Variants in LRP1B observed in about 807,000 individuals in gnomAD.
LRP1B encodes the protein LDL receptor related protein 1B, also known as low-density lipoprotein receptor-related protein 1B.
In LRP1B, 217 loss-of-function variants were observed where a neutral mutation model predicts 556.6. That is an observed-to-expected ratio of 0.39 (90% CI 0.35 to 0.44). LRP1B has a LOEUF of 0.44. Ranked by LOEUF, LRP1B falls within the 20% of genes least tolerant of loss-of-function variation. LRP1B has a pLI of 1.00. For synonymous variants in LRP1B, 2,047 were observed against 1,865.8 expected (o/e 1.10, Z -2.50); for missense variants, 5,053 against 5,620.8 (o/e 0.90, Z 3.23).
At chr2:141,535,534 T>C (rs1685042916) in intron 2 of LRP1B, among the ~76,000 whole-genome samples, 1 of 141,602 alleles carries the variant, frequency 7.1e-6, no homozygotes, top group Admixed American at 6.9e-5. Flanking sequence ...ATTGAAGCAA[T>C]GGTATAAAAA....
chr2:141,497,594 TA>T (rs1683553801), intron 2 of LRP1B, among the ~76,000 whole-genome samples: 1 of 151,840 alleles, frequency 6.6e-6, no homozygotes, highest in South Asian at 2.1e-4. Context: ...GATAGAAAAA[TA>T]AGCAAATAAG....
At chr2:141,718,346 A>G (rs184734028) in intron 2 of LRP1B, among the ~76,000 whole-genome samples, 73 of 152,266 alleles carry the variant, frequency 4.8e-4, no homozygotes, top group African/African-American at 1.7e-3. Context: ...TTTGTTAGGT[A>G]TAAGATCCTC....
Position 140,580,411 on chromosome 2 carries a change from T to C in LRP1B, c.7194+18220A>G, listed in dbSNP as rs1043001048. On this transcript the variant is annotated intron_variant, in intron 43 of 90. Transcript: ENST00000389484. ...GGCCCTGTGTTGCCAATTGCAGAAATGCTCTCAGGAGACGTGATGAAGCAT... is the reference window on the plus strand; with the variant it reads ...GGCCCTGTGTTGCCAATTGCAGAAACGCTCTCAGGAGACGTGATGAAGCAT... 2.0e-5 allele frequency among the ~76,000 whole-genome samples: 3 copies of C among 152,102 alleles called. No individual in the cohort carries two copies. The South Asian group carries it at 6.2e-4, about 32-fold the overall frequency.
At chr2:140,796,399 C>T (rs192915669) in intron 32 of LRP1B, among the ~76,000 whole-genome samples, 25 of 152,124 alleles carry the variant, frequency 1.6e-4, no homozygotes, top group African/African-American at 6.0e-4. Flanking sequence ...TCTGTTGGAA[C>T]ATAGTATTTT....
At chr2:141,101,081 C>T (rs1239046655) in intron 7 of LRP1B, among the ~76,000 whole-genome samples, 1 of 152,066 alleles carries the variant, frequency 6.6e-6, no homozygotes, top group Admixed American at 6.6e-5. Flanking sequence ...TGTTATTCCT[C>T]TCTAGAGGAA....
At chr2:141,888,755 G>C (rs1335769759) in intron 1 of LRP1B, among the ~76,000 whole-genome samples, 1 of 152,168 alleles carries the variant, frequency 6.6e-6, no homozygotes, top group Non-Finnish European at 1.5e-5. Context: ...CGGAATGACA[G>C]TGCTCGGGAA....
intron 6 of LRP1B, among the ~76,000 whole-genome samples, chr2:141,200,962 G>T (rs943780360): frequency 3.9e-5 from 6 of 152,178 alleles, no homozygotes; most frequent in Non-Finnish European, 7.3e-5. Flanking sequence ...AGCATCTGAA[G>T]TCATAGCTTT....
chr2:140,658,302 TC>T (rs1276710218), intron 41 of LRP1B, among the ~76,000 whole-genome samples: 1 of 152,030 alleles, frequency 6.6e-6, no homozygotes, highest in Non-Finnish European at 1.5e-5. Flanking sequence ...ATATTTAATG[TC>T]AAATTATATA....
chr2:141,093,875 T>C (rs1700232156), intron 7 of LRP1B, among the ~76,000 whole-genome samples: 1 of 151,876 alleles, frequency 6.6e-6, no homozygotes, highest in Non-Finnish European at 1.5e-5. Context: ...CCACCATGCC[T>C]GGCTAATTTT....
At chr2:141,093,906 A>G (rs1700232799) in intron 7 of LRP1B, among the ~76,000 whole-genome samples, 1 of 151,974 alleles carries the variant, frequency 6.6e-6, no homozygotes, top group Non-Finnish European at 1.5e-5. Context: ...TAGTAGAGAC[A>G]GCGTTTCACC....
chr2:141,090,927 G>A (rs1055500125), intron 7 of LRP1B, among the ~76,000 whole-genome samples: 3 of 152,142 alleles, frequency 2.0e-5, no homozygotes, highest in Admixed American at 1.3e-4. Flanking sequence ...AATGTAGGAA[G>A]AAATGATAAA....
chr2:140,380,438 A>G (rs1465177137), intron 67 of LRP1B, among the ~76,000 whole-genome samples: 4 of 152,176 alleles, frequency 2.6e-5, no homozygotes, highest in Non-Finnish European at 5.9e-5. Flanking sequence ...TCACCATTCC[A>G]TACTGAAGCC....
At chr2:141,049,374 G>A in intron 10 of LRP1B, 152 bp from the exon 11 acceptor site, 1 of 631,740 alleles carries the variant, frequency 1.6e-6, no homozygotes, top group East Asian at 2.7e-5. Flanking sequence ...CTTGATGCAA[G>A]AAGGCCAGCT....
rs148680253 is a variant in LRP1B at position 141,998,380 on chromosome 2, G to C, written c.82+132268C>G. ...CTATTACCAGACAAAATTTGGGTTA[G>C]AGGCATGTGCTCTAGTGATACCGTA... On this transcript the variant is annotated intron_variant, in intron 1 of 90. Coordinates refer to ENST00000389484, the MANE Select transcript of LRP1B (RefSeq NM_018557.3). Among the ~76,000 whole-genome samples, 364 of 152,246 alleles carry C rather than the reference G, an allele frequency of 2.4e-3. 3 individuals are homozygous for C. The highest frequency in any genetic ancestry group is 3.9e-3 in the Non-Finnish European group (262 of 68,008).
At chr2:141,275,078 C>T (rs1022345810) in intron 3 of LRP1B, among the ~76,000 whole-genome samples, 9 of 152,188 alleles carry the variant, frequency 5.9e-5, no homozygotes, top group African/African-American at 2.2e-4. Context: ...GAAAGCAAAG[C>T]TACTTCCCAG....
chr2:140,774,069 A>G (rs553085074), intron 33 of LRP1B, among the ~76,000 whole-genome samples: 5 of 152,240 alleles, frequency 3.3e-5, no homozygotes, highest in African/African-American at 1.2e-4. Flanking sequence ...CACTAATTGT[A>G]CTTTGAAATC....
intron 83 of LRP1B, among the ~76,000 whole-genome samples, chr2:140,300,688 A>G (rs765653327): frequency 6.6e-5 from 10 of 152,128 alleles, no homozygotes; most frequent in Admixed American, 1.3e-4. Flanking sequence ...TTCATAGCCT[A>G]TGAGTGTCAA....
intron 20 of LRP1B, among the ~76,000 whole-genome samples, chr2:140,932,731 T>G (rs1195615870): frequency 6.6e-6 from 1 of 150,864 alleles, no homozygotes; most frequent in South Asian, 2.1e-4. Flanking sequence ...TTTTCTTAAC[T>G]AGCAGGGCAT....
chr2:141,648,256 T>C (rs1053789143), intron 2 of LRP1B, among the ~76,000 whole-genome samples: 1 of 152,224 alleles, frequency 6.6e-6, no homozygotes, highest in Non-Finnish European at 1.5e-5. Flanking sequence ...CTAACAACAT[T>C]CATTGAGTCC....
Sources: allele counts gnomAD v4.1 joint callset (sites outside exome capture counted in the v4.1 genomes callset), GRCh38; gene constraint gnomAD v4.1.1; transcripts MANE v1.5; gene names NCBI Gene and HGNC (gene_info 2026-07-23, HGNC 2026-07-21).